PCAT7: variants seen among roughly 807,000 people sequenced by gnomAD.
PCAT7 encodes the protein prostate cancer associated transcript 7 (non-protein coding).
rs190669676 is a variant in PCAT7, at chr9:94,564,990, A to G, written n.441+5838A>G. Among the ~76,000 whole-genome samples the G allele has an allele frequency of 7.0e-4, 106 of 152,310 alleles. 1 individual carries two copies. Among genetic ancestry groups the G allele is most frequent in the African/African-American group, 2.5e-3 (104 of 41,566 alleles). ...AAATGTCTGAGATGATGGATTTCCT[A>G]ATTATACTGATCTGATCACTGTATA... is the stretch of plus-strand genomic sequence containing the variant. On this transcript the variant is annotated intron_variant and non_coding_transcript_variant, in intron 2 of 8. Coordinates refer to ENST00000647389, the Ensembl canonical transcript of PCAT7.
intron 2 of PCAT7, chr9:94,567,294 A>C (rs1827203320): frequency 6.2e-7 from 1 of 1,614,158 alleles, no homozygotes; most frequent in Non-Finnish European, 8.5e-7. Flanking sequence ...TTTTCTGCAC[A>C]TATTCAGTGG....
At chr9:94,571,685 C>T in intron 2 of PCAT7, 4 of 1,250,546 alleles carry the variant, frequency 3.2e-6, no homozygotes, top group Non-Finnish European at 4.4e-6. Flanking sequence ...TTCAGATCTC[C>T]TCGAATCACT....
intron 2 of PCAT7, chr9:94,571,628 T>G (rs747245526): frequency 1.3e-6 from 2 of 1,595,964 alleles, no homozygotes; most frequent in African/African-American, 2.7e-5. Context: ...ATAAATGCCA[T>G]GTGTTATTGT....
chr9:94,569,253 G>C (rs949166215), intron 2 of PCAT7: 7 of 152,300 alleles, frequency 4.6e-5, no homozygotes, highest in African/African-American at 1.7e-4. Flanking sequence ...CAGCACTGGG[G>C]GTGGTGTCCA....
At chr9:94,560,982 A>C (rs1171442108) in intron 2 of PCAT7, among the ~76,000 whole-genome samples, 1 of 152,072 alleles carries the variant, frequency 6.6e-6, no homozygotes. Flanking sequence ...GTTGTGGTGC[A>C]TGCGGGCTGT....
At position 94,562,309 on chromosome 9, in the gene PCAT7, C is replaced by CAA. The variant is rs397893359; in HGVS notation, n.441+3179_441+3180dup. On this transcript the variant is annotated intron_variant and non_coding_transcript_variant, in intron 2 of 8. Transcript: ENST00000647389. Reference sequence around the variant, plus strand: ...TGGGCGACAGAGCAAGACTCCATCTCAAAAAAAAAAAAAAAAAAAAAAAGA... The same window carrying CAA: ...TGGGCGACAGAGCAAGACTCCATCTCAAAAAAAAAAAAAAAAAAAAAAAAAGA... Among the ~76,000 whole-genome samples the CAA allele has an allele frequency of 8.8e-3, 635 of 71,968 alleles. 10 individuals carry two copies. The highest frequency in any genetic ancestry group is 0.031 in the African/African-American group (552 of 17,524). The allele number at this position is 71,968 out of a possible 152,430, so 47.2% of individuals were successfully genotyped here.
At chr9:94,563,354 G>T (rs1827137365) in intron 2 of PCAT7, 2 of 1,614,004 alleles carry the variant, frequency 1.2e-6, no homozygotes, top group South Asian at 2.2e-5. Flanking sequence ...TGCCCTTAGG[G>T]CTCTTCTGGT....
chr9:94,566,808 G>A (rs544830557), intron 2 of PCAT7, among the ~76,000 whole-genome samples: 150 of 152,288 alleles, frequency 9.8e-4, no homozygotes, highest in Admixed American at 1.7e-3. Flanking sequence ...AAAAGCATCT[G>A]AACTTGATGG....
intron 1 of PCAT7, chr9:94,558,817 G>C: frequency 1.1e-6 from 1 of 901,994 alleles, no homozygotes; most frequent in East Asian, 2.6e-5. Context: ...TTGCTCTTCT[G>C]TATGTGATTA....
intron 2 of PCAT7, among the ~76,000 whole-genome samples, chr9:94,564,169 G>C (rs969806861): frequency 6.6e-6 from 1 of 152,134 alleles, no homozygotes; most frequent in Admixed American, 6.5e-5. Flanking sequence ...CCCAAAACCA[G>C]AAAAATATAC....
intron 2 of PCAT7, among the ~76,000 whole-genome samples, chr9:94,572,294 A>G (rs75221144): frequency 2.0e-5 from 3 of 152,154 alleles, no homozygotes; most frequent in East Asian, 3.9e-4. Flanking sequence ...TAGCTGCTAC[A>G]TTTGTATTGA....
At chr9:94,571,796 C>A (rs1173677712) in intron 2 of PCAT7, among the ~76,000 whole-genome samples, 1 of 152,204 alleles carries the variant, frequency 6.6e-6, no homozygotes, top group Non-Finnish European at 1.5e-5. Flanking sequence ...TGGCAAAGGC[C>A]ATTCTTGGAC....
At chr9:94,572,352 G>A (rs1827278594) in intron 2 of PCAT7, among the ~76,000 whole-genome samples, 1 of 151,868 alleles carries the variant, frequency 6.6e-6, no homozygotes, top group African/African-American at 2.4e-5. Context: ...TATTTGATGG[G>A]GTCAAGGATA....
At chr9:94,559,013 G>T in exon 2 of PCAT7, 1 of 1,614,114 alleles carries the variant, frequency 6.2e-7, no homozygotes, top group Non-Finnish European at 8.5e-7. Flanking sequence ...GAATGAGGGG[G>T]ACTCGCTGGT....
At chr9:94,567,448 CA>C in intron 2 of PCAT7, 1 of 1,571,498 alleles carries the variant, frequency 6.4e-7, no homozygotes, top group Non-Finnish European at 8.6e-7. Flanking sequence ...AGAGAGAAGC[CA>C]GGAAACAAGC....
At chr9:94,565,385 A>AAAAAAAAAAG in intron 2 of PCAT7, among the ~76,000 whole-genome samples, 1 of 134,916 alleles carries the variant, frequency 7.4e-6, no homozygotes. Context: ...AAAAAAAAAA[A>AAAAAAAAAAG]AGATGTTCCC....
chr9:94,572,531 C>T (rs186662042), intron 2 of PCAT7, among the ~76,000 whole-genome samples: 22 of 152,324 alleles, frequency 1.4e-4, no homozygotes, highest in Admixed American at 1.3e-3. Context: ...ACGCCATGAG[C>T]ACTCAGAGCT....
chr9:94,562,567 A>G (rs1827125108), intron 2 of PCAT7, among the ~76,000 whole-genome samples: 2 of 152,174 alleles, frequency 1.3e-5, no homozygotes, highest in African/African-American at 4.8e-5. Context: ...CATTCGAATA[A>G]TTCAAATCTC....
intron 1 of PCAT7, among the ~76,000 whole-genome samples, chr9:94,555,842 C>T (rs902138685): frequency 1.7e-4 from 25 of 147,968 alleles, no homozygotes; most frequent in African/African-American, 6.0e-4. Context: ...AAGAGGGTGG[C>T]GAGAGGGAGC....
Sources: gnomAD v4.1 joint callset for allele counts (sites outside exome capture counted in the v4.1 genomes callset) on GRCh38, gnomAD v4.1.1 for gene constraint, MANE v1.5 for transcripts, NCBI Gene and HGNC (gene_info 2026-07-23, HGNC 2026-07-21) for gene names.